The following ACER1 variants were observed in gnomAD, a reference collection of about 807,000 sequenced individuals.
ACER1 encodes alkaline ceramidase 1.
A neutral mutation model predicts 24.9 loss-of-function variants in ACER1; 28 were observed. The ratio of observed to expected loss-of-function variants is 1.13; its 90% CI spans 0.83 to 1.54. The LOEUF is 1.54. Ranked by LOEUF, ACER1 falls within the 40% of genes most tolerant of loss-of-function variation. ACER1 has a pLI of 0.00. For synonymous variants in ACER1, 132 were observed against 131.4 expected (o/e 1.00, Z -0.03); for missense variants, 352 against 349.3 (o/e 1.01, Z -0.06).
rs1018409533 is a variant in ACER1, at chr19:6,323,758, G to C, written c.93+9701C>G. On this transcript the variant is annotated intron_variant, in intron 1 of 5. Transcript: ENST00000301452. ...AGGCGTCCAGTAATTAATTGTTTTTGCTGTGGATATTGATAAGAAGGACAG... is the reference window on the plus strand; with the variant it reads ...AGGCGTCCAGTAATTAATTGTTTTTCCTGTGGATATTGATAAGAAGGACAG... Among the ~76,000 whole-genome samples, 4 of 152,308 alleles carry C rather than the reference G, an allele frequency of 2.6e-5. No homozygotes were observed. In the East Asian group the frequency reaches 7.7e-4, roughly 29 times the overall value.
intron 1 of ACER1, among the ~76,000 whole-genome samples, chr19:6,329,636 A>T (rs1048512698): frequency 1.3e-5 from 2 of 151,974 alleles, no homozygotes; most frequent in Non-Finnish European, 2.9e-5. Context: ...CCAGTGGAGG[A>T]CAATTTTGCC....
At chr19:6,323,277 G>A (rs1438495103) in intron 1 of ACER1, among the ~76,000 whole-genome samples, 6 of 152,094 alleles carry the variant, frequency 3.9e-5, no homozygotes, top group East Asian at 1.9e-4. Context: ...AAAATTAGCT[G>A]GGCGAGGTGG....
the ACER1 span, among the ~76,000 whole-genome samples, chr19:6,347,109 A>AAAAAAAAATATATATAT: frequency 2.6e-3 from 300 of 113,694 alleles, 8 homozygotes; most frequent in African/African-American, 0.014. Context: ...AAAAAAAAAA[A>AAAAAAAAATATATATAT]ATATATATAT....
the ACER1 span, among the ~76,000 whole-genome samples, chr19:6,346,322 C>T: frequency 5.9e-5 from 9 of 151,908 alleles, no homozygotes; most frequent in Non-Finnish European, 1.0e-4. Flanking sequence ...AAAAAAAGTT[C>T]GAGAAAAGTT....
chr19:6,342,405 A>T, the ACER1 span, among the ~76,000 whole-genome samples: 1 of 151,908 alleles, frequency 6.6e-6, no homozygotes, highest in Non-Finnish European at 1.5e-5. Context: ...AAAAAAAAAT[A>T]ATAATAATCC....
At chr19:6,349,330 G>C in the ACER1 span, among the ~76,000 whole-genome samples, 1 of 146,168 alleles carries the variant, frequency 6.8e-6, no homozygotes, top group Non-Finnish European at 1.5e-5. Flanking sequence ...AAGAAAGAAA[G>C]AGAGAGAGAG....
intron 1 of ACER1, among the ~76,000 whole-genome samples, chr19:6,320,345 C>T (rs2091623951): frequency 6.6e-6 from 1 of 152,116 alleles, no homozygotes; most frequent in Non-Finnish European, 1.5e-5. Flanking sequence ...GTATATCTCA[C>T]TCTGTCACCC....
At chr19:6,344,831 ATTTATTTTATTTTAT>A in the ACER1 span, among the ~76,000 whole-genome samples, 5 of 150,466 alleles carry the variant, frequency 3.3e-5, no homozygotes, top group South Asian at 4.2e-4. Context: ...ACAACAATCA[ATTTATTTTATTTTAT>A]TTTATTTTAT....
intron 3 of ACER1, among the ~76,000 whole-genome samples, chr19:6,310,330 G>T (rs184572152): frequency 6.7e-6 from 1 of 148,470 alleles, no homozygotes; most frequent in African/African-American, 2.5e-5. Flanking sequence ...CTCGTGATCC[G>T]CCCGCCTCGG....
chr19:6,323,299 A>G (rs2091641248), intron 1 of ACER1, among the ~76,000 whole-genome samples: 3 of 151,950 alleles, frequency 2.0e-5, no homozygotes, highest in Non-Finnish European at 2.9e-5. Flanking sequence ...GGGTGCCTGT[A>G]GTCCCAGCTA....
chr19:6,318,417 T>A (rs373175528), intron 1 of ACER1, among the ~76,000 whole-genome samples: 2 of 151,718 alleles, frequency 1.3e-5, no homozygotes, highest in East Asian at 2.0e-4. Context: ...TGCAGTGAGC[T>A]GAGATCACAC....
At chr19:6,347,110 A>AAAATATATATG in the ACER1 span, among the ~76,000 whole-genome samples, 1 of 52,364 alleles carries the variant, frequency 1.9e-5, no homozygotes, top group Non-Finnish European at 3.4e-5. Flanking sequence ...AAAAAAAAAA[A>AAAATATATATG]TATATATATA....
the ACER1 span, among the ~76,000 whole-genome samples, chr19:6,359,179 C>T: frequency 1.3e-5 from 2 of 152,140 alleles, no homozygotes; most frequent in Non-Finnish European, 2.9e-5. Context: ...CTGCAGTGAG[C>T]TCTGATCACA....
At chr19:6,342,082 G>A in the ACER1 span, among the ~76,000 whole-genome samples, 2 of 152,144 alleles carry the variant, frequency 1.3e-5, no homozygotes, top group Non-Finnish European at 2.9e-5. Flanking sequence ...AGTCAATAAT[G>A]GTTACCGTAC....
At chr19:6,355,372 A>T in the ACER1 span, among the ~76,000 whole-genome samples, 8 of 115,374 alleles carry the variant, frequency 6.9e-5, no homozygotes, top group African/African-American at 2.8e-4. Context: ...CCATCTAGGA[A>T]GTGAGGAGCG....
At chr19:6,353,177 C>T in the ACER1 span, among the ~76,000 whole-genome samples, 2 of 152,122 alleles carry the variant, frequency 1.3e-5, no homozygotes, top group Non-Finnish European at 2.9e-5. Flanking sequence ...AAAACAGAAA[C>T]AAAAATTAGC....
rs183041415 is a variant in ACER1 at position 6,309,616 on chromosome 19, G to A, written c.488+81C>T. 3,075 of 1,565,150 alleles carry A rather than the reference G, an allele frequency of 2.0e-3. 11 individuals carry two copies. The highest frequency in any genetic ancestry group is 2.6e-3 in the Non-Finnish European group (2,923 of 1,143,592). Reference sequence around the variant, plus strand: ...TAGTGGGTGATCTTGGAGAAGGGACGTCCCCTCCGCGAGCCTGGAGTCAGG... The same window carrying A: ...TAGTGGGTGATCTTGGAGAAGGGACATCCCCTCCGCGAGCCTGGAGTCAGG... On this transcript the variant is annotated intron_variant, in intron 4 of 5. Coordinates refer to ENST00000301452, the MANE Select transcript of ACER1 (RefSeq NM_133492.3).
At chr19:6,329,413 C>T (rs1440389769) in intron 1 of ACER1, among the ~76,000 whole-genome samples, 1 of 57,804 alleles carries the variant, frequency 1.7e-5, no homozygotes, top group East Asian at 7.4e-4. Context: ...TAGAATAGAT[C>T]CAGGTGTGTT....
chr19:6,308,205 C>A lies in ACER1; in HGVS notation c.489-915G>T, dbSNP rs182114446. Among the ~76,000 whole-genome samples the A allele has an allele frequency of 3.9e-3, 598 of 152,112 alleles. 5 individuals are homozygous for A. Among genetic ancestry groups the A allele is most frequent in the African/African-American group, 0.012 (497 of 41,484 alleles). On this transcript the variant is annotated intron_variant, in intron 4 of 5. Transcript: ENST00000301452. Reference sequence around the variant, plus strand: ...ATCCCAGCACTTTGGGAGGCCGAGGCGGGCAGATCATCTGAGGTTAGGAGT... The same window carrying A: ...ATCCCAGCACTTTGGGAGGCCGAGGAGGGCAGATCATCTGAGGTTAGGAGT...
Sources: allele counts gnomAD v4.1 joint callset (sites outside exome capture counted in the v4.1 genomes callset), GRCh38; gene constraint gnomAD v4.1.1; transcripts MANE v1.5; gene names NCBI Gene and HGNC (gene_info 2026-07-23, HGNC 2026-07-21).